MGA: variants seen among roughly 807,000 people sequenced by gnomAD.
MGA encodes the protein MAX gene-associated protein.
In MGA, 40 loss-of-function variants were observed where a neutral mutation model predicts 261.1. That is an observed-to-expected ratio of 0.15 (90% CI 0.12 to 0.20). The LOEUF (loss-of-function observed/expected upper bound fraction) is 0.20. Ranked by LOEUF, MGA falls within the 10% of genes least tolerant of loss-of-function variation. The probability of loss-of-function intolerance (pLI) is 1.00; values close to 1 mark genes in which losing one functional copy is unlikely to be tolerated. For synonymous variants in MGA, 1,302 were observed against 1,290.6 expected, an observed-to-expected ratio of 1.01 and a Z score of -0.19; for missense variants, 3,397 against 3,630.5, an observed-to-expected ratio of 0.94 and a Z score of 1.65.
Position 41,760,385 on chromosome 15 carries a change from A to G in MGA, c.7254A>G (p.Ala2418=). 1 of 1,614,050 alleles carries G rather than the reference A, an allele frequency of 6.2e-7. No homozygotes were observed. Among genetic ancestry groups the G allele is most frequent in the Non-Finnish European group, 8.5e-7 (1 of 1,179,902 alleles). The change falls in exon 20 of 24, where the codon GCA becomes GCG. Residue 2418 remains alanine (A), a synonymous_variant. Transcript: ENST00000219905. The stretch of plus-strand genomic sequence containing the variant: ...GGAGTGACAAACTACAGAAAGAAGC[A>G]GAAGCGTTTGCTTATTATCGCCGGA...
intron 1 of MGA, among the ~76,000 whole-genome samples, chr15:41,663,881 G>A (rs1279655435): frequency 1.3e-5 from 2 of 151,934 alleles, no homozygotes; most frequent in South Asian, 2.1e-4. Context: ...ACTGCCCTTT[G>A]ATTAGAAAAT....
chr15:41,700,548 A>T (rs564199920), intron 5 of MGA, among the ~76,000 whole-genome samples: 2 of 152,222 alleles, frequency 1.3e-5, no homozygotes, highest in East Asian at 3.9e-4. Context: ...TTCCAGCTTC[A>T]TCCATGTCCC....
intron 1 of MGA, among the ~76,000 whole-genome samples, chr15:41,642,121 T>G (rs2056834509): frequency 6.6e-6 from 1 of 152,148 alleles, no homozygotes; most frequent in African/African-American, 2.4e-5. Flanking sequence ...CTTAATTGTC[T>G]TTTTGATTAT....
chr15:41,641,207 C>T (rs1197856127), intron 1 of MGA, among the ~76,000 whole-genome samples: 1 of 152,158 alleles, frequency 6.6e-6, no homozygotes, highest in Admixed American at 6.6e-5. Flanking sequence ...TGTGTTGATA[C>T]AGCACATTTT....
At chr15:41,746,085 C>T (rs2062449019) in intron 15 of MGA, among the ~76,000 whole-genome samples, 1 of 152,158 alleles carries the variant, frequency 6.6e-6, no homozygotes, top group Admixed American at 6.5e-5. Context: ...TCTTTACCTT[C>T]CTTTTCCTTG....
chr15:41,746,307 G>C (rs1199229463), intron 15 of MGA, among the ~76,000 whole-genome samples: 1 of 152,128 alleles, frequency 6.6e-6, no homozygotes, highest in African/African-American at 2.4e-5. Context: ...TTGGGAGGCT[G>C]AGGAGGATGG....
At chr15:41,662,014 G>A (rs1030081879) in intron 1 of MGA, among the ~76,000 whole-genome samples, 1 of 151,958 alleles carries the variant, frequency 6.6e-6, no homozygotes, top group African/African-American at 2.4e-5. Context: ...GAAAAGCGGC[G>A]GTTTGTGGGT....
chr15:41,621,470 T>C (rs1899819), intron 1 of MGA: 118,461 of 152,144 alleles, frequency 0.78, 46,762 homozygotes, highest in East Asian at 0.89. Flanking sequence ...AGGGGCGGGC[T>C]TGCGACCAGC....
intron 1 of MGA, among the ~76,000 whole-genome samples, chr15:41,627,100 AGTTTCATCAT>A (rs1329894141): frequency 6.6e-6 from 1 of 152,044 alleles, no homozygotes; most frequent in Non-Finnish European, 1.5e-5. Context: ...GTAGAGATGG[AGTTTCATCAT>A]GTTTCCCAGG....
chr15:41,758,154 C>T (rs2063251676), intron 19 of MGA, among the ~76,000 whole-genome samples: 1 of 152,064 alleles, frequency 6.6e-6, no homozygotes, highest in South Asian at 2.1e-4. Context: ...GCCATTCTTT[C>T]TTGCTTGGGC....
intron 1 of MGA, among the ~76,000 whole-genome samples, chr15:41,663,617 G>T (rs910821640): frequency 1.3e-5 from 2 of 151,800 alleles, no homozygotes; most frequent in African/African-American, 2.4e-5. Context: ...CTACAGGTGC[G>T]CAACACGACG....
Position 41,748,659 on chromosome 15 carries a change from G to C in MGA, c.5235G>C (p.Val1745=). The C allele has an allele frequency of 6.2e-7, 1 of 1,612,330 alleles. No homozygotes were observed. The highest frequency in any genetic ancestry group is 8.5e-7 in the Non-Finnish European group (1 of 1,178,856). ...CAGAAAATGCTGCTCAAATTCCAGT[G>C]GCTACTCCACAGGTCTCTCCTAACA... The change falls in exon 16 of 24, where the codon GTG becomes GTC. Residue 1745 remains valine, a synonymous_variant. Transcript: ENST00000219905.
At chr15:41,703,219 T>G (rs1244994584) in intron 5 of MGA, among the ~76,000 whole-genome samples, 1 of 152,174 alleles carries the variant, frequency 6.6e-6, no homozygotes, top group African/African-American at 2.4e-5. Flanking sequence ...CTTGACAGTT[T>G]TGAAGAGTCA....
At chr15:41,765,241 G>T (rs542321688) in intron 23 of MGA, among the ~76,000 whole-genome samples, 179 bp downstream of exon 23, 1 of 152,234 alleles carries the variant, frequency 6.6e-6, no homozygotes, top group Non-Finnish European at 1.5e-5. Flanking sequence ...GGTACTGTTT[G>T]GTGTGTTTTA....
chr15:41,632,349 A>T (rs2056607322), intron 1 of MGA, among the ~76,000 whole-genome samples: 1 of 152,206 alleles, frequency 6.6e-6, no homozygotes, highest in South Asian at 2.1e-4. Flanking sequence ...AAGAGCCAAG[A>T]TTGCAAGTCA....
At chr15:41,690,771 C>G (rs1029422905) in intron 2 of MGA, among the ~76,000 whole-genome samples, 1 of 151,890 alleles carries the variant, frequency 6.6e-6, no homozygotes, top group Non-Finnish European at 1.5e-5. Context: ...CCCAGCTACT[C>G]GAGAGGCTAA....
chr15:41,667,295 G>GTC (rs1477211352), intron 1 of MGA, among the ~76,000 whole-genome samples: 2 of 151,756 alleles, frequency 1.3e-5, no homozygotes, highest in Non-Finnish European at 2.9e-5. Context: ...CACCCAGGCT[G>GTC]AAGTGCAGTG....
intron 19 of MGA, 76 bp from the exon 20 acceptor site, chr15:41,760,247 G>A: frequency 7.2e-7 from 1 of 1,380,672 alleles, no homozygotes; most frequent in Non-Finnish European, 1.0e-6. Flanking sequence ...CCTGAAATAG[G>A]GCAGTGTCAT....
In MGA at chr15:41,718,245, CTATA is replaced by C. The variant is rs1226775979; in HGVS notation, c.3430+4754_3430+4757del. On this transcript the variant is annotated intron_variant, in intron 9 of 23. Coordinates refer to ENST00000219905, the MANE Select transcript of MGA (RefSeq NM_001164273.2). ...CATCTCAAGATATATATCTATCTCA[CTATA>C]TATAGATAGATATCTTGATATATGT... 2.9e-5 allele frequency: 6 copies of C among 205,266 alleles called. No homozygotes were observed. The East Asian group carries it at 3.9e-4, about 13-fold the overall frequency. The allele number at this position is 205,266 out of a possible 1,614,324, so 12.7% of individuals were successfully genotyped here. A position where few individuals can be genotyped will look rare whatever the true frequency, so the allele number is the denominator to read the frequency against.
Sources: gnomAD v4.1 joint callset for allele counts (sites outside exome capture counted in the v4.1 genomes callset) on GRCh38, gnomAD v4.1.1 for gene constraint, MANE v1.5 for transcripts, NCBI Gene and HGNC (gene_info 2026-07-23, HGNC 2026-07-21) for gene names.